Variants in PLA2G12A observed in about 807,000 individuals in gnomAD.
The protein encoded by PLA2G12A is phospholipase A2 group XIIA.
Under a neutral mutation model 16.0 loss-of-function variants are expected in PLA2G12A, and 11 were observed. That is an observed-to-expected ratio of 0.69 (90% CI 0.43 to 1.13). The LOEUF (loss-of-function observed/expected upper bound fraction) is 1.13. PLA2G12A is among the 50% of genes most tolerant of loss of function. PLA2G12A has a pLI of 0.00. For missense variants in PLA2G12A, 214 were observed against 237.3 expected, an observed-to-expected ratio of 0.90 and a Z score of 0.65; for synonymous variants, 77 against 93.8, an observed-to-expected ratio of 0.82 and a Z score of 1.03.
chr4:109,723,025 T>C (rs1722842682), intron 1 of PLA2G12A, among the ~76,000 whole-genome samples: 1 of 152,208 alleles, frequency 6.6e-6, no homozygotes, highest in South Asian at 2.1e-4. Context: ...TTGGTGAGCA[T>C]TCATCAGCCA....
rs555469937 is a variant in PLA2G12A, at chr4:109,715,754, C to A, written c.452-1259G>T. 1.7e-4 allele frequency among the ~76,000 whole-genome samples: 26 copies of A among 152,238 alleles called. No individual in the cohort carries two copies. In the South Asian group the frequency reaches 5.4e-3, roughly 32 times the overall value. ...CCTCCCAAAGTGCTGGGATTACAGG[C>A]GTGAGCCACCGCACCCGGCCCCAGT... On this transcript the variant is annotated intron_variant, in intron 3 of 3. Transcript: ENST00000243501.
chr4:109,725,987 C>A (rs74606658), intron 1 of PLA2G12A, among the ~76,000 whole-genome samples: 1,557 of 152,266 alleles, frequency 0.01, 28 homozygotes, highest in African/African-American at 0.034. Context: ...CTCCAACATC[C>A]CCATTCCCCA....
chr4:109,718,595 T>C, intron 2 of PLA2G12A, 88 bp downstream of exon 2: 1 of 1,014,550 alleles, frequency 9.9e-7, no homozygotes, highest in Non-Finnish European at 1.5e-6. Context: ...TATTTGTGAA[T>C]CTAAGAACAT....
intron 1 of PLA2G12A, among the ~76,000 whole-genome samples, chr4:109,720,922 GC>G (rs1730929342): frequency 6.6e-6 from 1 of 151,968 alleles, no homozygotes; most frequent in African/African-American, 2.4e-5. Flanking sequence ...TACAAAATTA[GC>G]TGGGCAATGT....
chr4:109,718,728 T>C lies in PLA2G12A; in HGVS notation c.240A>G (p.Lys80=). Residue 80 remains lysine (K), a synonymous_variant, in exon 2 of 4, where the codon AAA becomes AAG. Coordinates refer to ENST00000243501, the MANE Select transcript of PLA2G12A (RefSeq NM_030821.5). Reference sequence around the variant, plus strand: ...AGCCACATCCATTCGGTGGGGAGGGTTTATAACCATAACGTGGGAAAGGCT... The same window carrying C: ...AGCCACATCCATTCGGTGGGGAGGGCTTATAACCATAACGTGGGAAAGGCT... The part of the protein sequence containing the change: ...GSKPFPRYGY[K]PSPPNGCGSP... 5.6e-6 allele frequency: 9 copies of C among 1,598,634 alleles called. No individual in the cohort carries two copies. Among genetic ancestry groups the C allele is most frequent in the Non-Finnish European group, 6.8e-6 (8 of 1,171,822 alleles).
rs115019593 is a variant in PLA2G12A, at chr4:109,722,945, G to A, written c.209-4186C>T. Among the ~76,000 whole-genome samples, 424 of 152,244 alleles carry A rather than the reference G, an allele frequency of 2.8e-3. 5 individuals carry two copies. The highest frequency in any genetic ancestry group is 9.9e-3 in the African/African-American group (411 of 41,542). ...AATGAACAGAAGACTTGGAAGGCTTGGAATATTCATTATAAATGGAGATTA... is the reference window on the plus strand; with the variant it reads ...AATGAACAGAAGACTTGGAAGGCTTAGAATATTCATTATAAATGGAGATTA... On this transcript the variant is annotated intron_variant, in intron 1 of 3. Transcript: ENST00000243501.
rs1723013588 is a variant in PLA2G12A at position 109,729,775 on chromosome 4, A to G, written c.35T>C (p.Leu12Pro). ...ALLSRPALTL[L>P]LLLMAAVVRC... ...GACAACAGCGGCCATGAGGAGGAGCAGGAGGGTGAGCGCGGGGCGCGAGAG... is the reference window on the plus strand; with the variant it reads ...GACAACAGCGGCCATGAGGAGGAGCGGGAGGGTGAGCGCGGGGCGCGAGAG... Residue 12 changes from leucine to proline, a missense_variant, in exon 1 of 4, where the codon CTG becomes CCG. Leu to Pro is a moderately conservative substitution (Grantham distance 98). Transcript: ENST00000243501. The G allele has an allele frequency of 1.3e-6, 2 of 1,565,308 alleles. No individual in the cohort carries two copies. The highest frequency in any genetic ancestry group is 2.3e-5 in the South Asian group (2 of 85,784).
At chr4:109,729,044 T>C (rs1365515429) in intron 1 of PLA2G12A, among the ~76,000 whole-genome samples, 1 of 152,030 alleles carries the variant, frequency 6.6e-6, no homozygotes, top group Non-Finnish European at 1.5e-5. Flanking sequence ...AGGAGGCGGG[T>C]CACTGATATC....
At chr4:109,715,724 C>G (rs1029283522) in intron 3 of PLA2G12A, among the ~76,000 whole-genome samples, 1 of 152,194 alleles carries the variant, frequency 6.6e-6, no homozygotes, top group African/African-American at 2.4e-5. Flanking sequence ...GTCCACCAGC[C>G]AAGGCCTCCC....
At chr4:109,724,077 G>A (rs1051181229) in intron 1 of PLA2G12A, among the ~76,000 whole-genome samples, 5 of 152,106 alleles carry the variant, frequency 3.3e-5, no homozygotes, top group Non-Finnish European at 7.3e-5. Flanking sequence ...TCAGACAACC[G>A]ATATGGGCCT....
intron 1 of PLA2G12A, among the ~76,000 whole-genome samples, chr4:109,727,002 C>A (rs908744434): frequency 3.3e-5 from 5 of 150,464 alleles, no homozygotes; most frequent in Non-Finnish European, 5.9e-5. Context: ...CACCATGTTT[C>A]TCCAGATTTG....
In PLA2G12A at chr4:109,728,030, C is replaced by T. The variant is rs151031506; in HGVS notation, c.208+1572G>A. 5.5e-3 allele frequency among the ~76,000 whole-genome samples: 832 copies of T among 152,320 alleles called. 12 individuals are homozygous for T. Among genetic ancestry groups the T allele is most frequent in the African/African-American group, 0.019 (795 of 41,574 alleles). On this transcript the variant is annotated intron_variant, in intron 1 of 3. Transcript: ENST00000243501. ...GTCATCCTTGACTGGCCTTTCTCCTCAGGTCCATTGCACTTGCTATTCCCT... is the reference window on the plus strand; with the variant it reads ...GTCATCCTTGACTGGCCTTTCTCCTTAGGTCCATTGCACTTGCTATTCCCT...
Position 109,718,762 on chromosome 4 carries a change from A to G in PLA2G12A, c.209-3T>C, listed in dbSNP as rs1730871878. 1.3e-6 allele frequency: 2 copies of G among 1,548,980 alleles called. No homozygotes were observed. On this transcript the variant is annotated splice_polypyrimidine_tract_variant and splice_region_variant and intron_variant, in intron 1 of 3. Transcript: ENST00000243501. ...ATAACGTGGGAAAGGCTTAGATCCTATAAAATATAATGGTATCATAATTAA... is the reference window on the plus strand; with the variant it reads ...ATAACGTGGGAAAGGCTTAGATCCTGTAAAATATAATGGTATCATAATTAA...
At chr4:109,724,726 C>T (rs1722896207) in intron 1 of PLA2G12A, among the ~76,000 whole-genome samples, 3 of 152,068 alleles carry the variant, frequency 2.0e-5, no homozygotes, top group African/African-American at 4.8e-5. Flanking sequence ...AGAGATAGTA[C>T]AGAGAAGGAC....
Position 109,714,161 on chromosome 4 carries a change from T to C in PLA2G12A, c.*216A>G. The C allele has an allele frequency of 3.7e-6, 2 of 543,560 alleles. No individual in the cohort carries two copies. The highest frequency in any genetic ancestry group is 6.6e-6 in the Non-Finnish European group (2 of 302,346). 33.7% of individuals were successfully genotyped at this position (543,560 alleles called of 1,614,324 possible). A position where few individuals can be genotyped will look rare whatever the true frequency, so the allele number is the denominator to read the frequency against. ...TTTGGCATACTAAGTAAGGGAGCAA[T>C]GCTGGGGAAGATACCTGAGAAGACA... is the stretch of plus-strand genomic sequence containing the variant. On this transcript the variant is annotated 3_prime_UTR_variant, in exon 4 of 4. Transcript: ENST00000243501.
intron 3 of PLA2G12A, 64 bp downstream of exon 3, chr4:109,717,484 A>T: frequency 1.3e-6 from 2 of 1,492,134 alleles, no homozygotes; most frequent in Non-Finnish European, 1.8e-6. Context: ...CTATACTAAA[A>T]CATAGAGCAT....
chr4:109,726,039 A>G (rs6533451), intron 1 of PLA2G12A, among the ~76,000 whole-genome samples: 101,231 of 152,004 alleles, frequency 0.67, 34,261 homozygotes, highest in African/African-American at 0.79. Flanking sequence ...ACTTTACTGA[A>G]AAAAGCAGGC....
intron 1 of PLA2G12A, among the ~76,000 whole-genome samples, chr4:109,719,909 CA>C (rs920031071): frequency 8.7e-5 from 13 of 149,494 alleles, no homozygotes; most frequent in Non-Finnish European, 1.6e-4. Flanking sequence ...AGCAAACAAG[CA>C]AAAAAAAACC....
At chr4:109,724,743 C>T (rs1722896471) in intron 1 of PLA2G12A, among the ~76,000 whole-genome samples, 1 of 152,032 alleles carries the variant, frequency 6.6e-6, no homozygotes, top group African/African-American at 2.4e-5. Flanking sequence ...GGACAACTGG[C>T]AAAAATGAGA....
Sources: gnomAD v4.1 joint callset for allele counts (sites outside exome capture counted in the v4.1 genomes callset) on GRCh38, gnomAD v4.1.1 for gene constraint, MANE v1.5 for transcripts, NCBI Gene and HGNC (gene_info 2026-07-23, HGNC 2026-07-21) for gene names.